RFX3: variants seen among roughly 807,000 people sequenced by gnomAD.
The protein encoded by RFX3 is transcription factor RFX3.
Under a neutral mutation model 98.6 loss-of-function variants are expected in RFX3, and 14 were observed. That is an observed-to-expected ratio of 0.14 (90% CI 0.09 to 0.22). RFX3 has a LOEUF of 0.22. Ranked by LOEUF, RFX3 falls within the 10% of genes least tolerant of loss-of-function variation. The pLI is 1.00. For missense variants in RFX3, 639 were observed against 926.9 expected, an observed-to-expected ratio of 0.69 and a Z score of 4.03; for synonymous variants, 383 against 328.4, an observed-to-expected ratio of 1.17 and a Z score of -1.80.
rs979490360 is a variant in RFX3, at chr9:3,222,970, C to T, written c.*2072G>A. On this transcript the variant is annotated 3_prime_UTR_variant, in exon 17 of 17. Transcript: ENST00000617270. ...TTGATGTTATTTGAGTAGTCTGAGG[C>T]AATTAAGCAACAACAGCTTAAATAC... 6.6e-6 allele frequency: 1 copy of T among 152,022 alleles called. No homozygotes were observed. Among genetic ancestry groups the T allele is most frequent in the Non-Finnish European group, 1.5e-5 (1 of 68,006 alleles). The allele number at this position is 152,022 out of a possible 1,614,324, so 9.4% of individuals were successfully genotyped here. A position where few individuals can be genotyped will look rare whatever the true frequency, so the allele number is the denominator to read the frequency against.
chr9:3,507,753 G>C (rs1817244334), intron 1 of RFX3, among the ~76,000 whole-genome samples: 1 of 151,856 alleles, frequency 6.6e-6, no homozygotes, highest in African/African-American at 2.4e-5. Context: ...TACAATGTAA[G>C]TGCTATATAA....
At chr9:3,462,855 C>T (rs1175995536) in intron 1 of RFX3, among the ~76,000 whole-genome samples, 1 of 151,790 alleles carries the variant, frequency 6.6e-6, no homozygotes, top group African/African-American at 2.4e-5. Context: ...ATAAAGTTAA[C>T]AAAAAATATA....
At chr9:3,432,168 C>A (rs1844712329) in intron 1 of RFX3, among the ~76,000 whole-genome samples, 1 of 152,082 alleles carries the variant, frequency 6.6e-6, no homozygotes, top group African/African-American at 2.4e-5. Context: ...TCAAGAAGTA[C>A]CTTGTAAATA....
chr9:3,519,411 G>A lies in RFX3; in HGVS notation c.-9+6336C>T, dbSNP rs964778595. ...AGCAAAGTCTTTCAAAACTTTTTGG[G>A]CTCATTAAAAAAGGGATGGTCAAAG... is the stretch of plus-strand genomic sequence containing the variant. On this transcript the variant is annotated intron_variant, in intron 1 of 16. Coordinates refer to ENST00000617270, the MANE Select transcript of RFX3 (RefSeq NM_001282116.2). 1.3e-4 allele frequency among the ~76,000 whole-genome samples: 20 copies of A among 152,006 alleles called. 1 individual carries two copies. Among genetic ancestry groups the A allele is most frequent in the Non-Finnish European group, 1.5e-5 (1 of 67,976 alleles).
chr9:3,436,733 G>A (rs1845158234), intron 1 of RFX3, among the ~76,000 whole-genome samples: 1 of 152,040 alleles, frequency 6.6e-6, no homozygotes, highest in South Asian at 2.1e-4. Context: ...GCAAAATGCT[G>A]TGCAATATTT....
intron 9 of RFX3, 44 bp downstream of exon 9, chr9:3,275,456 G>C (rs1825085712): frequency 9.0e-7 from 1 of 1,115,970 alleles, no homozygotes; most frequent in Non-Finnish European, 1.4e-6. Context: ...CAAGTTATCT[G>C]GCAAAACCTA....
At chr9:3,283,348 G>A (rs372426364) in intron 7 of RFX3, among the ~76,000 whole-genome samples, 4 of 151,548 alleles carry the variant, frequency 2.6e-5, no homozygotes, top group African/African-American at 9.7e-5. Context: ...TTTCAGATAC[G>A]TTATTCCACT....
chr9:3,356,927 C>T, intron 2 of RFX3, among the ~76,000 whole-genome samples: 1 of 148,416 alleles, frequency 6.7e-6, no homozygotes, highest in East Asian at 1.9e-4. Flanking sequence ...AACTCAACGT[C>T]CATTCATGAT....
intron 1 of RFX3, among the ~76,000 whole-genome samples, chr9:3,515,369 T>C (rs908113386): frequency 3.9e-5 from 6 of 152,172 alleles, no homozygotes; most frequent in African/African-American, 1.4e-4. Flanking sequence ...AGAATGCCCG[T>C]CTTCACAAAA....
At chr9:3,248,257 C>G in intron 14 of RFX3, 72 bp from the exon 15 acceptor site, 6 of 1,470,644 alleles carry the variant, frequency 4.1e-6, no homozygotes, top group Non-Finnish European at 3.6e-6. Flanking sequence ...TATTTTTCCT[C>G]TTAAAAAAAA....
intron 7 of RFX3, among the ~76,000 whole-genome samples, chr9:3,277,808 A>T (rs1429881914): frequency 6.6e-6 from 1 of 151,944 alleles, no homozygotes; most frequent in Non-Finnish European, 1.5e-5. Context: ...TGGTCAATGG[A>T]TATATTGGAA....
chr9:3,427,341 T>C (rs1844169165), intron 1 of RFX3, among the ~76,000 whole-genome samples: 1 of 142,244 alleles, frequency 7.0e-6, no homozygotes, highest in Non-Finnish European at 1.5e-5. Flanking sequence ...ATATATATTG[T>C]ATTACATAAT....
intron 4 of RFX3, among the ~76,000 whole-genome samples, chr9:3,316,539 G>C (rs1830614610): frequency 6.6e-6 from 1 of 152,190 alleles, no homozygotes; most frequent in Non-Finnish European, 1.5e-5. Flanking sequence ...AATCAGGCAA[G>C]AGAAAGAAAT....
At chr9:3,373,251 A>G (rs1309644022) in intron 2 of RFX3, among the ~76,000 whole-genome samples, 1 of 152,162 alleles carries the variant, frequency 6.6e-6, no homozygotes, top group Admixed American at 6.5e-5. Flanking sequence ...TCTGCAATTC[A>G]ACATTTTCTT....
At chr9:3,398,914 T>TAAAAAAAAA (rs71324247) in intron 1 of RFX3, among the ~76,000 whole-genome samples, 76 of 67,520 alleles carry the variant, frequency 1.1e-3, no homozygotes, top group Middle Eastern at 0.011. Flanking sequence ...TAGAGTATAA[T>TAAAAAAAAA]AAAAAAAAAA....
At chr9:3,320,669 A>T (rs1398697808) in intron 4 of RFX3, among the ~76,000 whole-genome samples, 5 of 136,496 alleles carry the variant, frequency 3.7e-5, no homozygotes, top group African/African-American at 6.3e-5. Context: ...CAACATGGAG[A>T]CTTTTTTCAT....
intron 16 of RFX3, 62 bp from the exon 17 acceptor site, chr9:3,225,342 G>A (rs1056837443): frequency 1.9e-6 from 3 of 1,588,672 alleles, no homozygotes; most frequent in East Asian, 4.5e-5. Context: ...GCAATCAACA[G>A]GTGCTTTAGA....
intron 1 of RFX3, among the ~76,000 whole-genome samples, chr9:3,420,024 C>T (rs1170635796): frequency 6.6e-6 from 1 of 152,194 alleles, no homozygotes. Context: ...CATCGTCGCA[C>T]GTGAAGGCAC....
At chr9:3,438,122 C>T (rs568850427) in intron 1 of RFX3, among the ~76,000 whole-genome samples, 1 of 152,184 alleles carries the variant, frequency 6.6e-6, no homozygotes, top group South Asian at 2.1e-4. Context: ...GTGTCACCTC[C>T]TCAGAGTCTT....
Sources: gnomAD v4.1 joint callset for allele counts (sites outside exome capture counted in the v4.1 genomes callset) on GRCh38, gnomAD v4.1.1 for gene constraint, MANE v1.5 for transcripts, NCBI Gene and HGNC (gene_info 2026-07-23, HGNC 2026-07-21) for gene names.